LPXN: variants seen among roughly 807,000 people sequenced by gnomAD.
LPXN encodes the protein leupaxin.
Under a neutral mutation model 45.6 loss-of-function variants are expected in LPXN, and 28 were observed. The ratio of observed to expected loss-of-function variants is 0.61; its 90% CI spans 0.45 to 0.84. The LOEUF (loss-of-function observed/expected upper bound fraction) is 0.84, where lower values mean the gene tolerates loss of function less well. Ranked by LOEUF, LPXN falls within the 40% of genes least tolerant of loss-of-function variation. The probability of loss-of-function intolerance (pLI) is 0.00; values close to 1 mark genes in which losing one functional copy is unlikely to be tolerated. For missense variants in LPXN, 459 were observed against 475.0 expected (o/e 0.97, Z 0.31); for synonymous variants, 166 against 169.9 (o/e 0.98, Z 0.18).
chr11:58,566,081 T>C (rs530538388), intron 2 of LPXN, among the ~76,000 whole-genome samples: 7 of 152,352 alleles, frequency 4.6e-5, no homozygotes, highest in Non-Finnish European at 1.0e-4. Flanking sequence ...CCTTAATTGG[T>C]TATTTAGATA....
chr11:58,578,259 C>T, upstream of LPXN: 1 of 545,254 alleles, frequency 1.8e-6, no homozygotes, highest in South Asian at 2.1e-5. Context: ...ACACTGCCTC[C>T]CGAAAAAAAG....
chr11:58,576,955 CTTTATT>C (rs1009718669), upstream of LPXN, among the ~76,000 whole-genome samples: 25 of 152,060 alleles, frequency 1.6e-4, no homozygotes, highest in Non-Finnish European at 2.8e-4. Context: ...AGCTTAAAAG[CTTTATT>C]TTTATTTTTT....
chr11:58,554,895 T>C lies in LPXN; in HGVS notation c.264A>G (p.Ser88=), dbSNP rs773946444. The C allele has an allele frequency of 1.2e-6, 2 of 1,614,146 alleles. No homozygotes were observed. Among genetic ancestry groups the C allele is most frequent in the South Asian group, 1.1e-5 (1 of 91,080 alleles). ...TGAGCTCATCCAACTGAGCAGCTGCTGACGTTTTAGAAGGTGGTGGTGATT... is the reference window on the plus strand; with the variant it reads ...TGAGCTCATCCAACTGAGCAGCTGCCGACGTTTTAGAAGGTGGTGGTGATT... ...PKESPPPSKT[S]AAAQLDELMA... The change falls in exon 4 of 9, where the codon TCA becomes TCG. Residue 88 remains serine (S), a synonymous_variant. Transcript: ENST00000395074.
intron 7 of LPXN, among the ~76,000 whole-genome samples, chr11:58,537,229 C>T (rs188706863): frequency 1.3e-5 from 2 of 152,306 alleles, no homozygotes; most frequent in Admixed American, 1.3e-4. Context: ...TATTGCAGTA[C>T]TATTCACAAA....
chr11:58,569,273 T>C (rs1283102231), intron 2 of LPXN, among the ~76,000 whole-genome samples: 1 of 152,228 alleles, frequency 6.6e-6, no homozygotes, highest in Non-Finnish European at 1.5e-5. Flanking sequence ...AACCTTTTAA[T>C]TATAATGTAC....
intron 1 of LPXN, among the ~76,000 whole-genome samples, chr11:58,571,379 A>AAATAAATAAATC (rs1384940228): frequency 1.4e-5 from 2 of 141,630 alleles, no homozygotes; most frequent in African/African-American, 2.6e-5. Context: ...ATAAATAAAT[A>AAATAAATAAATC]AATCCTAAAT....
upstream of LPXN, chr11:58,578,043 A>G (rs1854960218): frequency 1.3e-6 from 2 of 1,550,884 alleles, no homozygotes; most frequent in African/African-American, 1.4e-5. Flanking sequence ...AATAATGTAG[A>G]CATGAACGCT....
rs565027998 is a variant in LPXN at position 58,527,962 on chromosome 11, T to G, written c.891+81A>C. On this transcript the variant is annotated intron_variant, in intron 8 of 8. Transcript: ENST00000395074. ...ATTCCTCATTCAGGACTGTGAACCC[T>G]TTCACTAACTGCAGCTCTTCCTCTC... 1.8e-5 allele frequency: 27 copies of G among 1,491,086 alleles called. No individual in the cohort carries two copies. In the Admixed American group the frequency reaches 2.9e-4, roughly 16 times the overall value. The allele number at this position is 1,491,086 out of a possible 1,614,324, so 92.4% of individuals were successfully genotyped here.
rs1207482384 is a variant in LPXN at position 58,549,973 on chromosome 11, A to G, written c.660T>C (p.Asp220=). The G allele has an allele frequency of 5.0e-6, 8 of 1,614,144 alleles. 1 individual carries two copies. In the South Asian group the frequency reaches 7.7e-5, roughly 16 times the overall value. ...TGGAGAGGAGCGGGGATTTACTTAC[A>G]TCCAGGATGGGAGCAGCGCAGTAAG... ...RCAYCAAPIL[D]KVLTAMNQTW... The change falls in exon 6 of 9, where the codon GAT becomes GAC. Residue 220 remains aspartate, a splice_region_variant and synonymous_variant. Coordinates refer to ENST00000395074, the MANE Select transcript of LPXN (RefSeq NM_004811.3).
chr11:58,558,207 G>A (rs952207808), intron 3 of LPXN, among the ~76,000 whole-genome samples: 8 of 151,820 alleles, frequency 5.3e-5, no homozygotes, highest in South Asian at 2.1e-4. Context: ...GATAGATGTG[G>A]TGTCTTATAG....
chr11:58,545,809 ACTTT>A (rs1243636867), intron 7 of LPXN, among the ~76,000 whole-genome samples: 4 of 152,232 alleles, frequency 2.6e-5, no homozygotes, highest in African/African-American at 9.6e-5. Context: ...TGCCTCTTCA[ACTTT>A]CTAACTGTGT....
chr11:58,527,463 G>A lies in LPXN; in HGVS notation c.1152C>T (p.Phe384=), dbSNP rs747636252. Residue 384 remains phenylalanine, a synonymous_variant, in exon 9 of 9, where the codon TTC becomes TTT. Transcript: ENST00000395074. Reference sequence around the variant, plus strand: ...TATGGATCAGTTGGCATTACAGTGGGAAGAGCTTATTGAAGCAAGGTTGAC... The same window carrying A: ...TATGGATCAGTTGGCATTACAGTGGAAAGAGCTTATTGAAGCAAGGTTGAC... ...TYCQPCFNKL[F]PL is the part of the protein sequence containing the mutation. 9.9e-6 allele frequency: 16 copies of A among 1,614,028 alleles called. No homozygotes were observed. In the Admixed American group the frequency reaches 2.5e-4, roughly 25 times the overall value.
intron 3 of LPXN, among the ~76,000 whole-genome samples, chr11:58,562,097 T>C (rs939055004): frequency 2.6e-5 from 4 of 152,204 alleles, no homozygotes; most frequent in Non-Finnish European, 2.9e-5. Flanking sequence ...TGGGTTTTTT[T>C]CCCCTACTTA....
chr11:58,566,973 G>C (rs1054473097), intron 2 of LPXN, among the ~76,000 whole-genome samples: 2 of 151,980 alleles, frequency 1.3e-5, no homozygotes, highest in African/African-American at 2.4e-5. Flanking sequence ...TGTCAGAAAA[G>C]TTTTGTAGAT....
chr11:58,554,903 T>C lies in LPXN; in HGVS notation c.256A>G (p.Lys86Glu), dbSNP rs1483054241. Residue 86 changes from lysine (K) to glutamate (E), a missense_variant, in exon 4 of 9, where the codon AAA becomes GAA. By Grantham distance (56) the Lys-to-Glu change is moderately conservative (BLOSUM62 1). Transcript: ENST00000395074. ...QEPKESPPPS[K>E]TSAAAQLDEL... ...TCCAACTGAGCAGCTGCTGACGTTT[T>C]AGAAGGTGGTGGTGATTCCTTTGGC... 6.2e-7 allele frequency: 1 copy of C among 1,614,002 alleles called. No homozygotes were observed. The highest frequency in any genetic ancestry group is 8.5e-7 in the Non-Finnish European group (1 of 1,180,012).
chr11:58,551,195 G>C lies in LPXN; in HGVS notation c.356C>G (p.Pro119Arg), dbSNP rs1289044503. 2 of 1,610,894 alleles carry C rather than the reference G, an allele frequency of 1.2e-6. No individual in the cohort carries two copies. The highest frequency in any genetic ancestry group is 1.1e-5 in the South Asian group (1 of 90,654). Reference sequence around the variant, plus strand: ...GGAGGCCTTGTGATCCTGCTTGTCTGGTAAGTGCTTCTTGCCAGCATCTGC... The same window carrying C: ...GGAGGCCTTGTGATCCTGCTTGTCTCGTAAGTGCTTCTTGCCAGCATCTGC... ...VRADAGKKHL[P>R]DKQDHKASLD... Residue 119 changes from proline (P) to arginine (R), a missense_variant, in exon 5 of 9, where the codon CCA becomes CGA. Transcript: ENST00000395074.
chr11:58,573,913 C>T (rs1165401233), intron 1 of LPXN, among the ~76,000 whole-genome samples: 1 of 152,122 alleles, frequency 6.6e-6, no homozygotes, highest in Non-Finnish European at 1.5e-5. Context: ...TCTATCATGC[C>T]TAATGCCTAC....
chr11:58,527,323 A>T lies in LPXN; in HGVS notation c.*131T>A, dbSNP rs1853253062. On this transcript the variant is annotated 3_prime_UTR_variant, in exon 9 of 9. Transcript: ENST00000395074. Reference sequence around the variant, plus strand: ...TCATGTAAAGTCTAGAAGTTCCTTTATTTGCTCATCACCTTTCCTTTTTCT... The same window carrying T: ...TCATGTAAAGTCTAGAAGTTCCTTTTTTTGCTCATCACCTTTCCTTTTTCT... The T allele has an allele frequency of 1.2e-6, 1 of 867,372 alleles. No individual in the cohort carries two copies. Among genetic ancestry groups the T allele is most frequent in the Non-Finnish European group, 1.8e-6 (1 of 560,632 alleles). The allele number at this position is 867,372 out of a possible 1,614,324, so 53.7% of individuals were successfully genotyped here. A position where few individuals can be genotyped will look rare whatever the true frequency, so the allele number is the denominator to read the frequency against.
chr11:58,573,044 G>A (rs1248758420), intron 1 of LPXN, among the ~76,000 whole-genome samples: 1 of 152,044 alleles, frequency 6.6e-6, no homozygotes, highest in African/African-American at 2.4e-5. Context: ...TTGGGAGTTC[G>A]AGACCAGCCT....
Sources: allele counts gnomAD v4.1 joint callset (sites outside exome capture counted in the v4.1 genomes callset), GRCh38; gene constraint gnomAD v4.1.1; transcripts MANE v1.5; gene names NCBI Gene and HGNC (gene_info 2026-07-23, HGNC 2026-07-21).